FLNB: variants seen among roughly 807,000 people sequenced by gnomAD.
FLNB encodes filamin-B.
FLNB carries 111 observed loss-of-function variants against 250.6 expected under a neutral mutation model. That is an observed-to-expected ratio of 0.44 (90% CI 0.38 to 0.52). The LOEUF (loss-of-function observed/expected upper bound fraction) is 0.52. FLNB is among the 20% of genes least tolerant of loss of function. The probability of loss-of-function intolerance (pLI) is 0.00; values close to 1 mark genes in which losing one functional copy is unlikely to be tolerated. For missense variants in FLNB, 2,869 were observed against 3,447.8 expected, an observed-to-expected ratio of 0.83 and a Z score of 4.20; for synonymous variants, 1,302 against 1,372.1, an observed-to-expected ratio of 0.95 and a Z score of 1.13.
intron 1 of FLNB, among the ~76,000 whole-genome samples, chr3:58,032,194 A>G (rs2097132027): frequency 6.6e-6 from 1 of 152,020 alleles, no homozygotes; most frequent in South Asian, 2.1e-4. Flanking sequence ...CAGCCTCCCA[A>G]AGTGCTGGGA....
At chr3:58,097,422 C>T (rs1001178990) in intron 6 of FLNB, among the ~76,000 whole-genome samples, 2 of 152,064 alleles carry the variant, frequency 1.3e-5, no homozygotes, top group African/African-American at 2.4e-5. Flanking sequence ...GAATGATTTT[C>T]GTCCCTTGAA....
intron 10 of FLNB, among the ~76,000 whole-genome samples, chr3:58,104,301 G>A (rs2097255877): frequency 6.6e-6 from 1 of 152,080 alleles, no homozygotes; most frequent in African/African-American, 2.4e-5. Flanking sequence ...TCAAATGCTG[G>A]TGGTTAGGGG....
chr3:58,058,002 T>A (rs1184181611), intron 1 of FLNB, among the ~76,000 whole-genome samples: 1 of 152,192 alleles, frequency 6.6e-6, no homozygotes, highest in Non-Finnish European at 1.5e-5. Flanking sequence ...TTGGTCAGGC[T>A]GGTCTCGAAC....
chr3:58,125,803 T>A, intron 23 of FLNB, 60 bp downstream of exon 23: 2 of 1,498,148 alleles, frequency 1.3e-6, no homozygotes, highest in Admixed American at 1.7e-5. Context: ...ATTCTACCTA[T>A]GTGTCATGGT....
intron 13 of FLNB, 147 bp downstream of exon 13, chr3:58,108,718 G>A (rs2097263680): frequency 1.5e-6 from 1 of 665,426 alleles, no homozygotes; most frequent in Admixed American, 2.2e-5. Flanking sequence ...GGTTATGTGA[G>A]GGTTCAGTGA....
intron 1 of FLNB, among the ~76,000 whole-genome samples, chr3:58,045,371 C>A (rs888459509): frequency 6.6e-6 from 1 of 152,154 alleles, no homozygotes; most frequent in Admixed American, 6.5e-5. Context: ...CAAGCCTGTC[C>A]AACCCACAGA....
intron 18 of FLNB, among the ~76,000 whole-genome samples, chr3:58,114,383 ACCT>A (rs1390281172): frequency 6.6e-6 from 1 of 152,124 alleles, no homozygotes; most frequent in Non-Finnish European, 1.5e-5. Flanking sequence ...TGATCTGCCC[ACCT>A]CAGCCTCCGA....
intron 1 of FLNB, among the ~76,000 whole-genome samples, chr3:58,019,065 A>T (rs969442120): frequency 1.3e-5 from 2 of 151,680 alleles, no homozygotes; most frequent in South Asian, 2.1e-4. Context: ...TGAGCCCAGG[A>T]GTTTGAGTCT....
chr3:58,156,180 C>A, intron 41 of FLNB, 105 bp downstream of exon 41: 1 of 815,778 alleles, frequency 1.2e-6, no homozygotes, highest in Non-Finnish European at 2.1e-6. Flanking sequence ...GGCCCCTTTT[C>A]ACATTTTGAC....
chr3:58,169,524 C>A lies in FLNB; in HGVS notation c.7418-66C>A. 7.5e-7 allele frequency: 1 copy of A among 1,330,904 alleles called. No homozygotes were observed. The highest frequency in any genetic ancestry group is 1.1e-6 in the Non-Finnish European group (1 of 921,882). The allele number at this position is 1,330,904 out of a possible 1,614,324, so 82.4% of individuals were successfully genotyped here. ...GTTACTGTGTAGGGTACTCGCCTGT[C>A]CTCTGGCTGAGAGACCCCTCTTGAT... On this transcript the variant is annotated intron_variant, in intron 44 of 45. Coordinates refer to ENST00000295956, the MANE Select transcript of FLNB (RefSeq NM_001457.4). The surrounding 1 kb of genome is among the most constrained non-coding windows in gnomAD (Gnocchi z 4.8).
intron 1 of FLNB, among the ~76,000 whole-genome samples, chr3:58,033,280 A>G (rs1175657111): frequency 1.3e-5 from 2 of 151,878 alleles, no homozygotes; most frequent in Non-Finnish European, 2.9e-5. Flanking sequence ...CTTGCCTTTT[A>G]TCTCTCCATG....
intron 29 of FLNB, 71 bp downstream of exon 29, chr3:58,138,600 C>G: frequency 1.3e-6 from 2 of 1,588,402 alleles, no homozygotes; most frequent in Admixed American, 1.7e-5. Context: ...TTGTTGAACC[C>G]TGACTAGGAT....
intron 8 of FLNB, among the ~76,000 whole-genome samples, chr3:58,099,655 G>A (rs966969965): frequency 5.3e-5 from 8 of 152,006 alleles, no homozygotes; most frequent in Non-Finnish European, 7.4e-5. Flanking sequence ...TTCCTCTTCC[G>A]AATCCTACCT....
chr3:58,059,969 A>C (rs1053008665), intron 1 of FLNB, among the ~76,000 whole-genome samples: 1 of 152,060 alleles, frequency 6.6e-6, no homozygotes, highest in Non-Finnish European at 1.5e-5. Context: ...CTGCTTATCA[A>C]CTCTGACTTT....
chr3:58,090,352 C>T (rs1426835074), intron 4 of FLNB, among the ~76,000 whole-genome samples: 3 of 152,136 alleles, frequency 2.0e-5, no homozygotes, highest in Non-Finnish European at 4.4e-5. Context: ...GGCTGCTTTA[C>T]AGTTAACTTA....
chr3:58,102,432 C>A, intron 9 of FLNB, 92 bp downstream of exon 9: 1 of 1,378,090 alleles, frequency 7.3e-7, no homozygotes, highest in South Asian at 1.2e-5. Context: ...CAGTTGTCCT[C>A]AATAATCCCA....
chr3:58,137,512 C>G (rs2097318378), intron 28 of FLNB, among the ~76,000 whole-genome samples: 1 of 152,268 alleles, frequency 6.6e-6, no homozygotes, highest in South Asian at 2.1e-4. Flanking sequence ...CTCCAGTCTT[C>G]TCTTCCACTC....
intron 1 of FLNB, among the ~76,000 whole-genome samples, chr3:58,017,880 A>G (rs933384987): frequency 6.6e-6 from 1 of 152,192 alleles, no homozygotes; most frequent in African/African-American, 2.4e-5. Context: ...ACTGCCTATC[A>G]GACTGAGTTA....
In FLNB at chr3:58,169,829, C is replaced by G; in HGVS notation, c.7621+36C>G. 7.8e-7 allele frequency: 1 copy of G among 1,276,462 alleles called. No homozygotes were observed. The highest frequency in any genetic ancestry group is 1.1e-6 in the Non-Finnish European group (1 of 883,934). 79.1% of individuals were successfully genotyped at this position (1,276,462 alleles called of 1,614,324 possible). On this transcript the variant is annotated intron_variant, in intron 45 of 45. Transcript: ENST00000295956. This position sits in a 1 kb window ranked among gnomAD's most constrained non-coding sequence, Gnocchi z 4.8. ...GGGCCTTTTCAAGGGTGGGGTGGGGCAGGGGCAGGCTGGGCACCCTGGGTA... is the reference window on the plus strand; with the variant it reads ...GGGCCTTTTCAAGGGTGGGGTGGGGGAGGGGCAGGCTGGGCACCCTGGGTA...
Sources: gnomAD v4.1 joint callset for allele counts (sites outside exome capture counted in the v4.1 genomes callset) on GRCh38, gnomAD v4.1.1 for gene constraint, Gnocchi (gnomAD v3.1) non-coding constraint, MANE v1.5 for transcripts, NCBI Gene and HGNC (gene_info 2026-07-23, HGNC 2026-07-21) for gene names.